Variants in ARPC2 observed in about 807,000 individuals in gnomAD.
ARPC2 encodes the protein actin related protein 2/3 complex subunit 2, also known as actin-related protein 2/3 complex subunit 2.
ARPC2 carries 4 observed loss-of-function variants against 38.6 expected under a neutral mutation model. The observed-to-expected ratio is 0.10, with a 90% CI of 0.05 to 0.24. The LOEUF is 0.24. Among genes scored for constraint, ARPC2 ranks in the 10% least tolerant of loss-of-function variants. The pLI is 1.00. For synonymous variants in ARPC2, 125 were observed against 140.8 expected, an observed-to-expected ratio of 0.89 and a Z score of 0.79; for missense variants, 229 against 387.3, an observed-to-expected ratio of 0.59 and a Z score of 3.43.
chr2:218,234,670 G>C (rs1027463560), intron 5 of ARPC2: 1 of 507,178 alleles, frequency 2.0e-6, no homozygotes, highest in African/African-American at 1.9e-5. Flanking sequence ...TTCAGCCAGA[G>C]GGCCACATTT....
intron 2 of ARPC2, among the ~76,000 whole-genome samples, chr2:218,223,689 C>A (rs1175139716): frequency 6.6e-6 from 1 of 152,176 alleles, no homozygotes; most frequent in Non-Finnish European, 1.5e-5. Flanking sequence ...ATTTGAGGAG[C>A]ATTGCCTGTG....
chr2:218,232,418 T>C (rs760501976), intron 4 of ARPC2, among the ~76,000 whole-genome samples: 1 of 152,112 alleles, frequency 6.6e-6, no homozygotes, highest in Non-Finnish European at 1.5e-5. Context: ...GAAGAAAATA[T>C]GTTATTTGAC....
chr2:218,237,868 G>GT (rs1322033375), intron 5 of ARPC2, among the ~76,000 whole-genome samples: 1 of 152,106 alleles, frequency 6.6e-6, no homozygotes, highest in African/African-American at 2.4e-5. Flanking sequence ...ACACCCAGCA[G>GT]TTTTTTTAAG....
Position 218,217,197 on chromosome 2 carries a change from A to AGCGGCAGTGGCGGCG in ARPC2, c.-60_-46dup, listed in dbSNP as rs1559472727. The AGCGGCAGTGGCGGCG allele has an allele frequency of 2.4e-6, 1 of 422,876 alleles. No homozygotes were observed. The highest frequency in any genetic ancestry group is 4.6e-5 in the East Asian group (1 of 21,690). 26.2% of individuals were successfully genotyped at this position (422,876 alleles called of 1,614,324 possible). ...GGGCGGGGACCGGGCTTGTCGGTGA[A>AGCGGCAGTGGCGGCG]GCGGCAGTGGCGGCGGCGGCGGCGG... On this transcript the variant is annotated 5_prime_UTR_variant, in exon 1 of 11. Coordinates refer to ENST00000315717, the MANE Select transcript of ARPC2 (RefSeq NM_152862.3).
chr2:218,238,864 T>A lies in ARPC2; in HGVS notation c.455+14T>A, dbSNP rs1481472821. 1.3e-6 allele frequency: 2 copies of A among 1,593,364 alleles called. No homozygotes were observed. The highest frequency in any genetic ancestry group is 2.7e-5 in the African/African-American group (2 of 74,336). ...TGATGAGACCATGTGAGTATAGAAT[T>A]TGGTCCTGAAGCCTGGATATGGCTG... On this transcript the variant is annotated intron_variant, in intron 6 of 10. Transcript: ENST00000315717.
At chr2:218,240,701 C>A (rs1689892358) in intron 7 of ARPC2, among the ~76,000 whole-genome samples, 1 of 150,876 alleles carries the variant, frequency 6.6e-6, no homozygotes, top group Non-Finnish European at 1.5e-5. Flanking sequence ...ACCATCCTGG[C>A]CAACATGGTG....
intron 4 of ARPC2, among the ~76,000 whole-genome samples, chr2:218,230,112 A>C (rs1461411193): frequency 6.6e-6 from 1 of 151,634 alleles, no homozygotes; most frequent in Non-Finnish European, 1.5e-5. Flanking sequence ...CTGGGATTAC[A>C]GGCATGCACC....
intron 2 of ARPC2, among the ~76,000 whole-genome samples, chr2:218,220,980 C>T (rs1308387232): frequency 6.6e-6 from 1 of 152,216 alleles, no homozygotes; most frequent in Non-Finnish European, 1.5e-5. Flanking sequence ...GTCTGATCAA[C>T]AGCATTGCCT....
intron 5 of ARPC2, chr2:218,235,781 TA>T (rs1689755082): frequency 6.6e-6 from 1 of 152,200 alleles, no homozygotes; most frequent in Admixed American, 6.6e-5. Context: ...GTGTGAAATG[TA>T]AAAGTGTGTG....
intron 8 of ARPC2, among the ~76,000 whole-genome samples, chr2:218,246,232 A>AT (rs1559482898): frequency 6.6e-6 from 1 of 151,408 alleles, no homozygotes; most frequent in Non-Finnish European, 1.5e-5. Flanking sequence ...AAAAAAAAAA[A>AT]AGAGTTGAGG....
Position 218,226,853 on chromosome 2 carries a change from A to G in ARPC2, c.109+899A>G, listed in dbSNP as rs74950515. On this transcript the variant is annotated intron_variant, in intron 3 of 10. Coordinates refer to ENST00000315717, the MANE Select transcript of ARPC2 (RefSeq NM_152862.3). ...ATTTGGAAATATTACATTATCTTCA[A>G]GTAGCTGTCAGTCTTAGTTTGCCTA... 376 of 208,470 alleles carry G rather than the reference A, an allele frequency of 1.8e-3. 1 individual carries two copies. The highest frequency in any genetic ancestry group is 7.1e-3 in the African/African-American group (306 of 42,884). 12.9% of individuals were successfully genotyped at this position (208,470 alleles called of 1,614,324 possible).
intron 5 of ARPC2, among the ~76,000 whole-genome samples, chr2:218,237,914 T>A (rs1353147174): frequency 6.6e-6 from 1 of 152,136 alleles, no homozygotes; most frequent in East Asian, 1.9e-4. Flanking sequence ...TGGACCCAGT[T>A]CTGTTCGACT....
chr2:218,236,110 C>G (rs750023495), intron 5 of ARPC2: 1 of 149,990 alleles, frequency 6.7e-6, no homozygotes, highest in African/African-American at 2.4e-5. Flanking sequence ...AAAAAAAGAC[C>G]GTAGAGTCTC....
At chr2:218,220,203 C>A (rs1310392994) in intron 2 of ARPC2, among the ~76,000 whole-genome samples, 15 of 152,136 alleles carry the variant, frequency 9.9e-5, no homozygotes, top group Admixed American at 5.2e-4. Context: ...AAAGGCTTTG[C>A]TGGTGTGGGA....
At chr2:218,226,843 A>G (rs1316860578) in intron 3 of ARPC2, among the ~76,000 whole-genome samples, 2 of 151,876 alleles carry the variant, frequency 1.3e-5, no homozygotes, top group South Asian at 2.1e-4. Flanking sequence ...GAAATATTAC[A>G]TTATCTTCAA....
intron 2 of ARPC2, among the ~76,000 whole-genome samples, chr2:218,221,957 G>C (rs910712668): frequency 1.3e-5 from 2 of 152,192 alleles, no homozygotes; most frequent in African/African-American, 4.8e-5. Flanking sequence ...AAGTAGGAGA[G>C]AGACATAAAT....
intron 4 of ARPC2, among the ~76,000 whole-genome samples, chr2:218,229,646 A>G (rs1427476657): frequency 6.6e-6 from 1 of 152,238 alleles, no homozygotes; most frequent in Non-Finnish European, 1.5e-5. Flanking sequence ...TAAAACTTAT[A>G]TAATAAAAGA....
chr2:218,241,077 A>G (rs887726326), intron 7 of ARPC2, among the ~76,000 whole-genome samples: 1 of 152,202 alleles, frequency 6.6e-6, no homozygotes, highest in African/African-American at 2.4e-5. Context: ...AGCATTCAAA[A>G]TCTAGTACAA....
chr2:218,220,558 C>A (rs1016736189), intron 2 of ARPC2, among the ~76,000 whole-genome samples: 1 of 151,208 alleles, frequency 6.6e-6, no homozygotes, highest in East Asian at 1.9e-4. Context: ...AAAAATAGTT[C>A]TGTGGCATAT....
Sources: allele counts gnomAD v4.1 joint callset (sites outside exome capture counted in the v4.1 genomes callset), GRCh38; gene constraint gnomAD v4.1.1; transcripts MANE v1.5; gene names NCBI Gene and HGNC (gene_info 2026-07-23, HGNC 2026-07-21).